RAB5A: variants seen among roughly 807,000 people sequenced by gnomAD.
The protein encoded by RAB5A is ras-related protein Rab-5A.
A neutral mutation model predicts 25.7 loss-of-function variants in RAB5A; 8 were observed. The observed-to-expected ratio is 0.31, with a 90% CI of 0.18 to 0.56. RAB5A has a LOEUF of 0.56. Among genes scored for constraint, RAB5A ranks in the 20% least tolerant of loss-of-function variants. The pLI is 0.91. For synonymous variants in RAB5A, 98 were observed against 89.8 expected, an observed-to-expected ratio of 1.09 and a Z score of -0.52; for missense variants, 192 against 259.7, an observed-to-expected ratio of 0.74 and a Z score of 1.79.
chr3:19,974,446 C>T (rs560196006), intron 2 of RAB5A, among the ~76,000 whole-genome samples: 2 of 152,134 alleles, frequency 1.3e-5, no homozygotes, highest in Non-Finnish European at 2.9e-5. Flanking sequence ...AGCCACCACG[C>T]CTGGCCTATA....
intron 1 of RAB5A, among the ~76,000 whole-genome samples, chr3:19,948,304 C>T (rs1185806731): frequency 1.3e-5 from 2 of 152,136 alleles, no homozygotes; most frequent in Non-Finnish European, 2.9e-5. Flanking sequence ...AATCAGTTGC[C>T]TTTCACATAA....
rs201962389 is a variant in RAB5A at position 19,952,657 on chromosome 3, GAGCATCAGAA to G, written c.163+1604_163+1613del. 6.3e-3 allele frequency among the ~76,000 whole-genome samples: 952 copies of G among 152,252 alleles called. 11 individuals are homozygous for G. The highest frequency in any genetic ancestry group is 0.021 in the African/African-American group (864 of 41,538). On this transcript the variant is annotated intron_variant, in intron 2 of 5. Transcript: ENST00000273047. ...ATGTTTTATGTTTTTTCTAATGGCT[GAGCATCAGAA>G]AGCATCATGGAGCTTTTATTTTGAG...
rs151309766 is a variant in RAB5A at position 19,949,717 on chromosome 3, C to T, written c.-93-1089C>T. On this transcript the variant is annotated intron_variant, in intron 1 of 5. Coordinates refer to ENST00000273047, the MANE Select transcript of RAB5A (RefSeq NM_004162.5). Reference sequence around the variant, plus strand: ...ATTAGCATAGAAGTCGCCATTCAGGCTAGATTTCTTTAATGTGTTGTTTAA... The same window carrying T: ...ATTAGCATAGAAGTCGCCATTCAGGTTAGATTTCTTTAATGTGTTGTTTAA... Among the ~76,000 whole-genome samples the T allele has an allele frequency of 2.0e-5, 3 of 152,294 alleles. No homozygotes were observed. The East Asian group carries it at 5.8e-4, about 29-fold the overall frequency.
At chr3:19,972,829 T>C (rs973062361) in intron 2 of RAB5A, among the ~76,000 whole-genome samples, 3 of 152,202 alleles carry the variant, frequency 2.0e-5, no homozygotes, top group African/African-American at 7.2e-5. Flanking sequence ...TATGGTGGCC[T>C]CTTGTGTCTT....
chr3:19,970,053 GCCACCA>G (rs1696722901), intron 2 of RAB5A, among the ~76,000 whole-genome samples: 5 of 92,212 alleles, frequency 5.4e-5, no homozygotes, highest in African/African-American at 1.8e-4. Flanking sequence ...ACCCACCTCG[GCCACCA>G]TGCCCGGCTA....
At chr3:19,963,520 G>T (rs1696621036) in intron 2 of RAB5A, among the ~76,000 whole-genome samples, 1 of 151,766 alleles carries the variant, frequency 6.6e-6, no homozygotes, top group African/African-American at 2.4e-5. Flanking sequence ...GTTTCTTTGG[G>T]GGTTGGCATA....
In RAB5A at chr3:19,975,636, A is replaced by G. The variant is rs1468347379; in HGVS notation, c.199A>G (p.Thr67Ala). Reference sequence around the variant, plus strand: ...AACCCAAACTGTATGTCTTGATGACACTACAGTAAAGTTTGAAATATGGGA... The same window carrying G: ...AACCCAAACTGTATGTCTTGATGACGCTACAGTAAAGTTTGAAATATGGGA... ...FLTQTVCLDD[T>A]TVKFEIWDTA... Residue 67 changes from threonine to alanine, a missense_variant, in exon 3 of 6, where the codon ACT (threonine) becomes GCT (alanine). Physicochemically the swap from Thr to Ala is moderately conservative, Grantham distance 58. Around this residue, in one of 3 missense-constraint regions of RAB5A, gnomAD observed 39 missense variants for 91.6 expected, o/e 0.43. Coordinates refer to ENST00000273047, the MANE Select transcript of RAB5A (RefSeq NM_004162.5). 1.9e-6 allele frequency: 3 copies of G among 1,613,840 alleles called. No individual in the cohort carries two copies. The African/African-American group carries it at 4.0e-5, about 22-fold the overall frequency.
Position 19,964,699 on chromosome 3 carries a change from T to C in RAB5A, c.164-10902T>C, listed in dbSNP as rs569731232. On this transcript the variant is annotated intron_variant, in intron 2 of 5. Coordinates refer to ENST00000273047, the MANE Select transcript of RAB5A (RefSeq NM_004162.5). ...CGTGATCTTGGCTCACTGCAACCTC[T>C]GCCTCCCTGGTTCAAACGATTCTTG... 2.6e-5 allele frequency among the ~76,000 whole-genome samples: 4 copies of C among 152,276 alleles called. No homozygotes were observed. The East Asian group carries it at 7.7e-4, about 29-fold the overall frequency.
At chr3:19,957,078 C>T (rs559772586) in intron 2 of RAB5A, among the ~76,000 whole-genome samples, 1 of 151,578 alleles carries the variant, frequency 6.6e-6, no homozygotes, top group African/African-American at 2.4e-5. Flanking sequence ...TATAGGCATG[C>T]ACCCCACACT....
At chr3:19,982,728 C>T (rs1398110199) in intron 5 of RAB5A, among the ~76,000 whole-genome samples, 2 of 148,412 alleles carry the variant, frequency 1.3e-5, no homozygotes, top group Non-Finnish European at 3.0e-5. Flanking sequence ...TACCACTGCA[C>T]TTAATCCTGG....
At chr3:19,949,001 G>A (rs1200049107) in intron 1 of RAB5A, among the ~76,000 whole-genome samples, 4 of 152,124 alleles carry the variant, frequency 2.6e-5, no homozygotes, top group Admixed American at 2.0e-4. Context: ...GTATATTAGA[G>A]ATTGTTTACA....
intron 2 of RAB5A, among the ~76,000 whole-genome samples, chr3:19,958,641 C>T (rs1286210424): frequency 3.3e-5 from 5 of 152,124 alleles, no homozygotes; most frequent in South Asian, 2.1e-4. Flanking sequence ...GTCAGGAGTT[C>T]GAAACCAGCC....
intron 2 of RAB5A, among the ~76,000 whole-genome samples, chr3:19,974,692 G>T (rs571613826): frequency 7.0e-6 from 1 of 142,842 alleles, no homozygotes; most frequent in Non-Finnish European, 1.5e-5. Flanking sequence ...AGGCACTCCA[G>T]CCTGGGAGAT....
At chr3:19,978,195 T>C (rs1696856192) in intron 4 of RAB5A, 115 bp from the exon 5 acceptor site, 1 of 740,554 alleles carries the variant, frequency 1.4e-6, no homozygotes, top group Non-Finnish European at 2.4e-6. Flanking sequence ...TAGATGATTA[T>C]AGGAATCAGG....
intron 4 of RAB5A, 25 bp downstream of exon 4, chr3:19,976,194 G>C (rs1696822607): frequency 6.3e-7 from 1 of 1,593,576 alleles, no homozygotes; most frequent in Non-Finnish European, 8.5e-7. Context: ...ACTCTCATTT[G>C]AAAGGCACTT....
At chr3:19,950,130 C>G (rs189715939) in intron 1 of RAB5A, among the ~76,000 whole-genome samples, 217 of 152,272 alleles carry the variant, frequency 1.4e-3, no homozygotes, top group African/African-American at 4.9e-3. Context: ...CAGTAATAAT[C>G]ACCACATGGA....
At chr3:19,979,016 G>C (rs1036694283) in intron 5 of RAB5A, 9 of 150,550 alleles carry the variant, frequency 6.0e-5, no homozygotes, top group Admixed American at 6.0e-4. Flanking sequence ...TCGCTCTGTC[G>C]CCCAGGCTGG....
intron 4 of RAB5A, among the ~76,000 whole-genome samples, chr3:19,976,413 C>T (rs1179669920): frequency 6.6e-6 from 1 of 152,146 alleles, no homozygotes; most frequent in East Asian, 1.9e-4. Context: ...AGGCCGGGTT[C>T]AGTGGCTCAC....
chr3:19,951,805 G>T (rs555099579), intron 2 of RAB5A, among the ~76,000 whole-genome samples: 44 of 148,720 alleles, frequency 3.0e-4, no homozygotes, highest in African/African-American at 1.1e-3. Flanking sequence ...CCAGGTAGCT[G>T]TGATTACAGG....
Sources: allele counts gnomAD v4.1 joint callset (sites outside exome capture counted in the v4.1 genomes callset), GRCh38; gene constraint gnomAD v4.1.1; regional missense constraint gnomAD v4.1.1; transcripts MANE v1.5; gene names NCBI Gene and HGNC (gene_info 2026-07-23, HGNC 2026-07-21).